Variants in PCDH7 observed in about 807,000 individuals in gnomAD.
PCDH7 encodes the protein protocadherin-7.
A neutral mutation model predicts 58.9 loss-of-function variants in PCDH7; 17 were observed. The ratio of observed to expected loss-of-function variants is 0.29; its 90% CI spans 0.20 to 0.43. The LOEUF (loss-of-function observed/expected upper bound fraction) is 0.43. PCDH7 is among the 20% of genes least tolerant of loss of function. PCDH7 has a pLI of 1.00. For missense variants in PCDH7, 1,274 were observed against 1,441.0 expected (o/e 0.88, Z 1.88); for synonymous variants, 664 against 616.4 (o/e 1.08, Z -1.14).
intron 2 of PCDH7, among the ~76,000 whole-genome samples, chr4:30,937,139 A>G (rs185974287): frequency 6.6e-6 from 1 of 152,258 alleles, no homozygotes; most frequent in East Asian, 1.9e-4. Flanking sequence ...TTAATTATGC[A>G]AACCATTCAG....
intron 1 of PCDH7, among the ~76,000 whole-genome samples, chr4:30,742,365 G>A (rs1051096815): frequency 6.6e-6 from 1 of 152,194 alleles, no homozygotes; most frequent in African/African-American, 2.4e-5. Flanking sequence ...GGAGGGATAT[G>A]AAGTGTCTGA....
At chr4:30,909,252 T>C in intron 1 of PCDH7, among the ~76,000 whole-genome samples, 1 of 152,186 alleles carries the variant, frequency 6.6e-6, no homozygotes, top group Non-Finnish European at 1.5e-5. Flanking sequence ...CTGGAAGCAT[T>C]CTGTTTGAAA....
rs11934381 is a variant in PCDH7, at chr4:30,864,871, C to T, written c.71-55282C>T. The stretch of plus-strand genomic sequence containing the variant: ...AGGAAAAAAAATTTAAGGCAAAATT[C>T]AAATAAAAAAATGAAGGAGATAAAC... On this transcript the variant is annotated intron_variant, in intron 1 of 3. Coordinates refer to the PCDH7 transcript ENST00000509759. Among the ~76,000 whole-genome samples the T allele has an allele frequency of 2.9e-3, 442 of 152,022 alleles. 2 individuals carry two copies. The highest frequency in any genetic ancestry group is 9.9e-3 in the African/African-American group (412 of 41,488).
intron 3 of PCDH7, among the ~76,000 whole-genome samples, chr4:30,958,296 T>G (rs765802828): frequency 3.9e-5 from 6 of 152,050 alleles, no homozygotes; most frequent in Non-Finnish European, 7.4e-5. Context: ...AGCTCTTCTT[T>G]ACATTTCCGG....
At chr4:31,004,344 A>G (rs4692497) in intron 3 of PCDH7, among the ~76,000 whole-genome samples, 80,750 of 151,990 alleles carry the variant, frequency 0.53, 25,564 homozygotes, top group African/African-American at 0.88. Context: ...TACAATGCAC[A>G]GCAAAATATG....
chr4:30,775,637 G>T (rs575385103), intron 1 of PCDH7, among the ~76,000 whole-genome samples: 1 of 152,268 alleles, frequency 6.6e-6, no homozygotes, highest in East Asian at 1.9e-4. Context: ...GACGGGCATG[G>T]TGGCTTACGC....
chr4:30,893,943 C>T (rs1427773146), intron 1 of PCDH7, among the ~76,000 whole-genome samples: 1 of 152,040 alleles, frequency 6.6e-6, no homozygotes, highest in Non-Finnish European at 1.5e-5. Flanking sequence ...AAATATGGTA[C>T]AGGGAGGCCA....
chr4:30,835,184 G>A (rs1010128238), intron 1 of PCDH7, among the ~76,000 whole-genome samples: 1 of 152,046 alleles, frequency 6.6e-6, no homozygotes, highest in Non-Finnish European at 1.5e-5. Flanking sequence ...GTCATTCCCG[G>A]GAGCGCAGAG....
chr4:31,108,600 G>A (rs1201376682), intron 3 of PCDH7, among the ~76,000 whole-genome samples: 4 of 152,118 alleles, frequency 2.6e-5, no homozygotes, highest in African/African-American at 9.7e-5. Context: ...CTCACAGCTG[G>A]AAAAGTAAGG....
At chr4:31,043,423 T>C (rs1478089400) in intron 3 of PCDH7, among the ~76,000 whole-genome samples, 2 of 152,124 alleles carry the variant, frequency 1.3e-5, no homozygotes, top group African/African-American at 4.8e-5. Flanking sequence ...TGTTCCTTTT[T>C]CTCCACAACC....
intron 3 of PCDH7, among the ~76,000 whole-genome samples, chr4:30,962,560 G>C (rs1297169235): frequency 6.6e-6 from 1 of 151,942 alleles, no homozygotes; most frequent in Non-Finnish European, 1.5e-5. Context: ...ACCCAAGTGG[G>C]AGGATTACTT....
intron 1 of PCDH7, among the ~76,000 whole-genome samples, chr4:30,859,641 T>C (rs1300216764): frequency 6.6e-6 from 1 of 152,046 alleles, no homozygotes; most frequent in African/African-American, 2.4e-5. Flanking sequence ...AGTTTCACCA[T>C]GTTGGCCAGG....
intron 2 of PCDH7, among the ~76,000 whole-genome samples, chr4:30,926,176 A>T (rs1743842529): frequency 7.5e-6 from 1 of 133,820 alleles, no homozygotes; most frequent in Non-Finnish European, 1.6e-5. Context: ...TGGGATTATT[A>T]TTAACTTTAG....
chr4:30,810,866 T>C (rs1208106602), intron 1 of PCDH7, among the ~76,000 whole-genome samples: 1 of 152,182 alleles, frequency 6.6e-6, no homozygotes, highest in Non-Finnish European at 1.5e-5. Context: ...CACCTTGGCC[T>C]CCCAACGTGC....
chr4:30,843,928 TAAAAATA>T (rs1731564362), intron 1 of PCDH7, among the ~76,000 whole-genome samples: 2 of 151,434 alleles, frequency 1.3e-5, no homozygotes, highest in African/African-American at 4.9e-5. Flanking sequence ...AAAAATAAAA[TAAAAATA>T]AAAAATAAAA....
chr4:30,941,453 T>G (rs963902408), intron 2 of PCDH7, among the ~76,000 whole-genome samples: 28 of 151,986 alleles, frequency 1.8e-4, no homozygotes, highest in Non-Finnish European at 3.8e-4. Context: ...GTTTCCCAAT[T>G]TTGAGTAGAT....
intron 1 of PCDH7, among the ~76,000 whole-genome samples, chr4:30,893,370 A>G (rs188327773): frequency 6.6e-6 from 1 of 152,232 alleles, no homozygotes; most frequent in Non-Finnish European, 1.5e-5. Context: ...TCTCCTGAGA[A>G]GAGAAGTTAC....
chr4:30,905,262 T>C (rs1740767306), intron 1 of PCDH7, among the ~76,000 whole-genome samples: 1 of 152,168 alleles, frequency 6.6e-6, no homozygotes, highest in African/African-American at 2.4e-5. Flanking sequence ...TTTAGTGTTT[T>C]ACATACTACT....
intron 3 of PCDH7, among the ~76,000 whole-genome samples, chr4:31,029,896 A>G (rs905791487): frequency 7.2e-5 from 11 of 152,212 alleles, no homozygotes; most frequent in Non-Finnish European, 1.0e-4. Context: ...GGTTCTGAGC[A>G]TAAAGACAGA....
Sources: allele counts gnomAD v4.1 joint callset (sites outside exome capture counted in the v4.1 genomes callset), GRCh38; gene constraint gnomAD v4.1.1; transcripts MANE v1.5; gene names NCBI Gene and HGNC (gene_info 2026-07-23, HGNC 2026-07-21).